The following PLCXD3 variants were observed in gnomAD, a reference collection of about 807,000 sequenced individuals.
The protein encoded by PLCXD3 is phosphatidylinositol specific phospholipase C X domain containing 3, also known as PI-PLC X domain-containing protein 3.
Under a neutral mutation model 25.5 loss-of-function variants are expected in PLCXD3, and 19 were observed. The ratio of observed to expected loss-of-function variants is 0.75; its 90% CI spans 0.52 to 1.09. The LOEUF is 1.09. PLCXD3 is among the 50% of genes least tolerant of loss of function. PLCXD3 has a pLI of 0.00. For missense variants in PLCXD3, 411 were observed against 388.1 expected (o/e 1.06, Z -0.50); for synonymous variants, 174 against 137.6 (o/e 1.26, Z -1.85).
Position 41,313,729 on chromosome 5 carries a change from G to A in PLCXD3, c.854C>T (p.Pro285Leu). The change falls in exon 3 of 3, where the codon CCA becomes CTA. Residue 285 changes from proline to leucine, a missense_variant. Pro to Leu is a moderately conservative substitution (Grantham distance 98). Coordinates refer to ENST00000377801, the MANE Select transcript of PLCXD3 (RefSeq NM_001005473.3). ...AMMQWVRTQK[P>L]GESGINIVTA... Reference sequence around the variant, plus strand: ...GACAATATTGATGCCACTCTCTCCTGGCTTCTGCGTGCGGACCCACTGCAT... The same window carrying A: ...GACAATATTGATGCCACTCTCTCCTAGCTTCTGCGTGCGGACCCACTGCAT... 1 of 1,612,968 alleles carries A rather than the reference G, an allele frequency of 6.2e-7. No homozygotes were observed. Among genetic ancestry groups the A allele is most frequent in the Non-Finnish European group, 8.5e-7 (1 of 1,179,442 alleles).
At chr5:41,415,063 G>A (rs1301095385) in intron 1 of PLCXD3, among the ~76,000 whole-genome samples, 1 of 152,168 alleles carries the variant, frequency 6.6e-6, no homozygotes, top group East Asian at 1.9e-4. Flanking sequence ...CATACTATAT[G>A]TAGGGTTTGG....
intron 1 of PLCXD3, among the ~76,000 whole-genome samples, chr5:41,451,467 C>T (rs57420519): frequency 1.4e-3 from 212 of 152,020 alleles, no homozygotes; most frequent in African/African-American, 4.7e-3. Context: ...CTGATGTCAA[C>T]AAGGCAACAC....
Position 41,382,533 on chromosome 5 carries a change from C to A in PLCXD3, c.105G>T (p.Gly35=), listed in dbSNP as rs780096115. ...TGTAGAAGCTGAAGGAATCATGAGA[C>A]CCTAGGAGAATAACAAGGCATAGTG... ...SIPLTNLAIP[G]SHDSFSFYID... The change falls in exon 2 of 3, where the codon GGG becomes GGT. Residue 35 remains glycine, a splice_region_variant and synonymous_variant. Transcript: ENST00000377801. 40 of 1,585,290 alleles carry A rather than the reference C, an allele frequency of 2.5e-5. No homozygotes were observed. The highest frequency in any genetic ancestry group is 3.2e-5 in the Non-Finnish European group (38 of 1,170,386).
chr5:41,493,308 G>C (rs1236927243), intron 1 of PLCXD3, among the ~76,000 whole-genome samples: 1 of 152,182 alleles, frequency 6.6e-6, no homozygotes. Flanking sequence ...TCTCAGAGGA[G>C]TACCTGGCCG....
chr5:41,486,245 C>A (rs997489012), intron 1 of PLCXD3, among the ~76,000 whole-genome samples: 1 of 151,744 alleles, frequency 6.6e-6, no homozygotes, highest in African/African-American at 2.4e-5. Flanking sequence ...TTTTGGATTT[C>A]CTATTATCTC....
At chr5:41,456,319 C>T (rs1747751342) in intron 1 of PLCXD3, among the ~76,000 whole-genome samples, 1 of 151,856 alleles carries the variant, frequency 6.6e-6, no homozygotes, top group Non-Finnish European at 1.5e-5. Context: ...AATCTTTGTA[C>T]AATCACTTAG....
intron 2 of PLCXD3, among the ~76,000 whole-genome samples, chr5:41,381,184 A>T (rs1316446018): frequency 1.3e-5 from 2 of 152,152 alleles, no homozygotes; most frequent in East Asian, 3.9e-4. Flanking sequence ...GGATATTAAA[A>T]GACTCTGCAA....
intron 1 of PLCXD3, among the ~76,000 whole-genome samples, chr5:41,403,085 T>C (rs1228851266): frequency 1.3e-5 from 2 of 152,032 alleles, no homozygotes; most frequent in East Asian, 1.9e-4. Context: ...TTTTTCTTCC[T>C]TCTTTGGGTT....
At chr5:41,351,214 G>A (rs1440597428) in intron 2 of PLCXD3, among the ~76,000 whole-genome samples, 1 of 151,866 alleles carries the variant, frequency 6.6e-6, no homozygotes, top group Non-Finnish European at 1.5e-5. Context: ...AGATATCCTA[G>A]CTCACTAGGT....
Position 41,312,031 on chromosome 5 carries a change from A to T in PLCXD3, c.*1586T>A, listed in dbSNP as rs1367732871. On this transcript the variant is annotated 3_prime_UTR_variant, in exon 3 of 3. Transcript: ENST00000377801. ...TGTAAGAATTTCATCAAATTTTATA[A>T]TTTTATAAACACCTCACAATATTCC... 6.6e-6 allele frequency: 1 copy of T among 152,550 alleles called. No individual in the cohort carries two copies. Among genetic ancestry groups the T allele is most frequent in the East Asian group, 1.9e-4 (1 of 5,188 alleles). The allele number at this position is 152,550 out of a possible 1,614,324, so 9.4% of individuals were successfully genotyped here.
chr5:41,427,919 ACAGAAACAAAC>A (rs1747000659), intron 1 of PLCXD3, among the ~76,000 whole-genome samples: 1 of 152,194 alleles, frequency 6.6e-6, no homozygotes, highest in African/African-American at 2.4e-5. Flanking sequence ...CAAAATCAGA[ACAGAAACAAAC>A]ACCTTGCATT....
chr5:41,333,225 A>C (rs1300194824), intron 2 of PLCXD3, among the ~76,000 whole-genome samples: 1 of 152,158 alleles, frequency 6.6e-6, no homozygotes, highest in African/African-American at 2.4e-5. Flanking sequence ...GCAAAGTTTA[A>C]AATAATGATC....
chr5:41,419,520 A>G (rs760885312), intron 1 of PLCXD3, among the ~76,000 whole-genome samples: 2 of 152,208 alleles, frequency 1.3e-5, no homozygotes, highest in Non-Finnish European at 2.9e-5. Context: ...AAAACAGTAG[A>G]TAGTATTTCT....
At chr5:41,452,885 A>G (rs2150514679) in intron 1 of PLCXD3, among the ~76,000 whole-genome samples, 1 of 152,102 alleles carries the variant, frequency 6.6e-6, no homozygotes, top group South Asian at 2.1e-4. Flanking sequence ...TTTATTTTTA[A>G]TTTACAAATA....
intron 1 of PLCXD3, among the ~76,000 whole-genome samples, chr5:41,509,256 G>A (rs537339389): frequency 5.9e-5 from 9 of 152,256 alleles, no homozygotes; most frequent in African/African-American, 2.2e-4. Flanking sequence ...ATAACGTTGA[G>A]TTTAATAGCC....
intron 1 of PLCXD3, among the ~76,000 whole-genome samples, chr5:41,404,038 A>G (rs577887959): frequency 6.6e-6 from 1 of 152,318 alleles, no homozygotes; most frequent in South Asian, 2.1e-4. Flanking sequence ...ATCAAAATGC[A>G]TTAACTTCCA....
intron 2 of PLCXD3, among the ~76,000 whole-genome samples, chr5:41,351,373 T>G (rs1744454949): frequency 6.6e-6 from 1 of 152,166 alleles, no homozygotes; most frequent in African/African-American, 2.4e-5. Context: ...CAGGGTTCCT[T>G]TCATCCATCA....
chr5:41,510,581 G>C lies in PLCXD3; in HGVS notation c.-55C>G. The C allele has an allele frequency of 7.1e-7, 1 of 1,400,578 alleles. No individual in the cohort carries two copies. Among genetic ancestry groups the C allele is most frequent in the Non-Finnish European group, 1.0e-6 (1 of 999,900 alleles). 86.8% of individuals were successfully genotyped at this position (1,400,578 alleles called of 1,614,324 possible). On this transcript the variant is annotated 5_prime_UTR_variant, in exon 1 of 3. Transcript: ENST00000377801. ...CCAGCACTCCTCGGGCAGGCTGGCA[G>C]GCTGCTGCCGCTAATCCAATGTTTG...
chr5:41,499,881 G>A (rs189821690), intron 1 of PLCXD3, among the ~76,000 whole-genome samples: 20 of 151,768 alleles, frequency 1.3e-4, no homozygotes, highest in African/African-American at 4.1e-4. Context: ...AATACACAAT[G>A]GGGAAAGGAT....
Sources: allele counts gnomAD v4.1 joint callset (sites outside exome capture counted in the v4.1 genomes callset), GRCh38; gene constraint gnomAD v4.1.1; transcripts MANE v1.5; gene names NCBI Gene and HGNC (gene_info 2026-07-23, HGNC 2026-07-21).